SLAMF6: variants seen among roughly 807,000 people sequenced by gnomAD.
SLAMF6 encodes SLAM family member 6, also known as NK-T-B-antigen.
Under a neutral mutation model 38.3 loss-of-function variants are expected in SLAMF6, and 21 were observed. That is an observed-to-expected ratio of 0.55 (90% CI 0.39 to 0.79). The LOEUF (loss-of-function observed/expected upper bound fraction) is 0.79, where lower values mean the gene tolerates loss of function less well. Ranked by LOEUF, SLAMF6 falls within the 30% of genes least tolerant of loss-of-function variation. The pLI is 0.00. For missense variants in SLAMF6, 341 were observed against 385.3 expected, an observed-to-expected ratio of 0.89 and a Z score of 0.96; for synonymous variants, 152 against 146.3, an observed-to-expected ratio of 1.04 and a Z score of -0.28.
At chr1:160,486,899 C>G (rs1207370060) in intron 7 of SLAMF6, 145 bp from the exon 8 acceptor site, 2 of 1,036,866 alleles carry the variant, frequency 1.9e-6, no homozygotes, top group East Asian at 5.1e-5. Flanking sequence ...AATTTAAAAA[C>G]ATGTAATTGA....
intron 1 of SLAMF6, among the ~76,000 whole-genome samples, chr1:160,497,113 T>A (rs1653626897): frequency 6.6e-6 from 1 of 152,272 alleles, no homozygotes; most frequent in South Asian, 2.1e-4. Flanking sequence ...GATTTTTTTT[T>A]AATTCTCTCA....
At chr1:160,499,033 T>C (rs1296945506) in intron 1 of SLAMF6, among the ~76,000 whole-genome samples, 1 of 152,226 alleles carries the variant, frequency 6.6e-6, no homozygotes, top group African/African-American at 2.4e-5. Flanking sequence ...GTAATGATAG[T>C]TTCTTTTGCT....
At chr1:160,495,199 C>T (rs1047318492) in intron 2 of SLAMF6, among the ~76,000 whole-genome samples, 5 of 152,170 alleles carry the variant, frequency 3.3e-5, no homozygotes, top group African/African-American at 1.2e-4. Flanking sequence ...ACTACAGGCC[C>T]TCAAGTGGAT....
chr1:160,501,245 G>C (rs1414494277), intron 1 of SLAMF6, among the ~76,000 whole-genome samples: 1 of 152,166 alleles, frequency 6.6e-6, no homozygotes, highest in Non-Finnish European at 1.5e-5. Flanking sequence ...ATAAGATACT[G>C]TCAGTCCTCT....
chr1:160,490,393 C>T, intron 4 of SLAMF6, 157 bp from the exon 5 acceptor site: 2 of 815,038 alleles, frequency 2.5e-6, no homozygotes, highest in South Asian at 5.6e-5. Context: ...GGACATTTCT[C>T]TCAGGATATT....
intron 1 of SLAMF6, among the ~76,000 whole-genome samples, chr1:160,510,538 C>G (rs376116451): frequency 6.6e-6 from 1 of 152,052 alleles, no homozygotes; most frequent in Non-Finnish European, 1.5e-5. Context: ...AAAAAACCAG[C>G]ACCTTTTAAA....
chr1:160,487,007 T>A (rs1653000297), intron 7 of SLAMF6, 97 bp downstream of exon 7: 2 of 1,115,676 alleles, frequency 1.8e-6, no homozygotes, highest in Non-Finnish European at 1.3e-6. Context: ...TGTTTGTGCA[T>A]CTGTAAAATG....
chr1:160,486,607 G>T lies in SLAMF6; in HGVS notation c.*100C>A. ...ATCCTATCCTAGATATTCAAATTCT[G>T]TTGCCAGGAACAACAGGAACCAAGC... On this transcript the variant is annotated 3_prime_UTR_variant, in exon 8 of 8. Coordinates refer to ENST00000368057, the MANE Select transcript of SLAMF6 (RefSeq NM_001184714.2). 1 of 1,270,124 alleles carries T rather than the reference G, an allele frequency of 7.9e-7. No individual in the cohort carries two copies. The allele number at this position is 1,270,124 out of a possible 1,614,324, so 78.7% of individuals were successfully genotyped here. A position where few individuals can be genotyped will look rare whatever the true frequency, so the allele number is the denominator to read the frequency against.
At chr1:160,488,574 G>A (rs1184037777) in intron 6 of SLAMF6, among the ~76,000 whole-genome samples, 1 of 152,064 alleles carries the variant, frequency 6.6e-6, no homozygotes, top group African/African-American at 2.4e-5. Context: ...AGATGAGAGG[G>A]GAGGGGTGAA....
intron 2 of SLAMF6, among the ~76,000 whole-genome samples, chr1:160,491,662 G>C (rs977350895): frequency 5.9e-5 from 9 of 152,110 alleles, no homozygotes; most frequent in Non-Finnish European, 1.3e-4. Context: ...GGGTAGTTTT[G>C]GGGTGGTTAT....
rs139711957 is a variant in SLAMF6, at chr1:160,517,951, G to A, written c.49+5193C>T. Among the ~76,000 whole-genome samples, 1,293 of 152,134 alleles carry A rather than the reference G, an allele frequency of 8.5e-3. 25 individuals are homozygous for A. Among genetic ancestry groups the A allele is most frequent in the African/African-American group, 0.03 (1,244 of 41,506 alleles). Reference sequence around the variant, plus strand: ...CGTTGGTAGGTGCAGCAAACCACCAGGGCACAGGTTTACCTATGTAACAAA... The same window carrying A: ...CGTTGGTAGGTGCAGCAAACCACCAAGGCACAGGTTTACCTATGTAACAAA... On this transcript the variant is annotated intron_variant, in intron 1 of 7. Coordinates refer to ENST00000368057, the MANE Select transcript of SLAMF6 (RefSeq NM_001184714.2).
chr1:160,492,018 G>C (rs1173184415), intron 2 of SLAMF6, among the ~76,000 whole-genome samples: 1 of 152,182 alleles, frequency 6.6e-6, no homozygotes, highest in African/African-American at 2.4e-5. Context: ...AGGAAGAAGT[G>C]AATAAGGTGA....
intron 1 of SLAMF6, among the ~76,000 whole-genome samples, chr1:160,519,493 C>A (rs1654890792): frequency 6.6e-6 from 1 of 152,158 alleles, no homozygotes; most frequent in Non-Finnish European, 1.5e-5. Context: ...TAGTCAAATA[C>A]TTGTACACAT....
At chr1:160,523,073 AT>A in intron 1 of SLAMF6, 70 bp downstream of exon 1, 1 of 1,543,414 alleles carries the variant, frequency 6.5e-7, no homozygotes, top group East Asian at 2.3e-5. Flanking sequence ...TATACAGACG[AT>A]TTAGGTTGAG....
Position 160,509,619 on chromosome 1 carries a change from G to A in SLAMF6, c.50-13226C>T, listed in dbSNP as rs143707436. ...ATATACCTATGTAACAAACTTGCAC[G>A]ATGTGCACATGTACCCTAGAACTTA... On this transcript the variant is annotated intron_variant, in intron 1 of 7. Transcript: ENST00000368057. Among the ~76,000 whole-genome samples the A allele has an allele frequency of 3.2e-3, 491 of 152,080 alleles. 2 individuals are homozygous for A. The highest frequency in any genetic ancestry group is 0.011 in the African/African-American group (459 of 41,458).
chr1:160,505,467 T>C (rs1056896798), intron 1 of SLAMF6, among the ~76,000 whole-genome samples: 1 of 152,178 alleles, frequency 6.6e-6, no homozygotes, highest in Non-Finnish European at 1.5e-5. Context: ...AGTGGTGTGA[T>C]CTCAGCTCAC....
chr1:160,509,140 C>A (rs1278003425), intron 1 of SLAMF6, among the ~76,000 whole-genome samples: 8 of 152,164 alleles, frequency 5.3e-5, no homozygotes, highest in Admixed American at 2.6e-4. Flanking sequence ...TTGACCCAGC[C>A]ATCCCATTAC....
At chr1:160,506,477 A>C (rs1357636283) in intron 1 of SLAMF6, among the ~76,000 whole-genome samples, 1 of 152,234 alleles carries the variant, frequency 6.6e-6, no homozygotes, top group African/African-American at 2.4e-5. Context: ...AAACAAAAGC[A>C]GATAGAGTTT....
chr1:160,507,742 G>A (rs1246643314), intron 1 of SLAMF6, among the ~76,000 whole-genome samples: 1 of 151,944 alleles, frequency 6.6e-6, no homozygotes, highest in Non-Finnish European at 1.5e-5. Flanking sequence ...AAGGAGAATT[G>A]GAAAATTCAC....
Sources: allele counts gnomAD v4.1 joint callset (sites outside exome capture counted in the v4.1 genomes callset), GRCh38; gene constraint gnomAD v4.1.1; transcripts MANE v1.5; gene names NCBI Gene and HGNC (gene_info 2026-07-23, HGNC 2026-07-21).